The following RANGAP1 variants were observed in gnomAD, a reference collection of about 807,000 sequenced individuals.
RANGAP1 encodes Ran GTPase activating protein 1.
A neutral mutation model predicts 63.5 loss-of-function variants in RANGAP1; 38 were observed. The ratio of observed to expected loss-of-function variants is 0.60; its 90% CI spans 0.46 to 0.78. RANGAP1 has a LOEUF of 0.78. RANGAP1 is among the 30% of genes least tolerant of loss of function. RANGAP1 has a pLI of 0.00. For missense variants in RANGAP1, 630 were observed against 740.3 expected, an observed-to-expected ratio of 0.85 and a Z score of 1.73; for synonymous variants, 329 against 310.5, an observed-to-expected ratio of 1.06 and a Z score of -0.63.
intron 10 of RANGAP1, among the ~76,000 whole-genome samples, 190 bp downstream of exon 10, chr22:41,255,831 G>A (rs1392558469): frequency 2.6e-5 from 4 of 152,088 alleles, no homozygotes; most frequent in African/African-American, 9.7e-5. Context: ...GTGGGTGCCT[G>A]TAATCCCAGC....
At position 41,251,017 on chromosome 22, in the gene RANGAP1, C is replaced by G; in HGVS notation, c.1473G>C (p.Gln491His). The change falls in exon 13 of 16, where the codon CAG (glutamine) becomes CAC (histidine). Residue 491 changes from glutamine to histidine, a missense_variant. Gln to His is a conservative substitution (Grantham distance 24, BLOSUM62 0). Transcript: ENST00000356244. ...CCCAGCCCACATTACCTACTGCATC[C>G]TGCACTGCCATCCTCACAGTAGCTT... is the stretch of plus-strand genomic sequence containing the variant. ...KDEATVRMAVQDAVDALMQKA... is the reference protein window; with the variant it reads ...KDEATVRMAVHDAVDALMQKA... 6.2e-7 allele frequency: 1 copy of G among 1,614,148 alleles called. No homozygotes were observed. The highest frequency in any genetic ancestry group is 1.1e-5 in the South Asian group (1 of 91,086).
At chr22:41,262,108 G>A (rs975192682) in intron 5 of RANGAP1, among the ~76,000 whole-genome samples, 8 of 152,094 alleles carry the variant, frequency 5.3e-5, no homozygotes, top group Admixed American at 3.3e-4. Context: ...CCAAGTCCAC[G>A]GTCCAGACGA....
At chr22:41,263,025 C>T (rs1240690493) in intron 5 of RANGAP1, among the ~76,000 whole-genome samples, 60 of 152,196 alleles carry the variant, frequency 3.9e-4, no homozygotes, top group Admixed American at 3.9e-3. Flanking sequence ...GTCAGCAAGG[C>T]CGAGACCCAG....
intron 6 of RANGAP1, among the ~76,000 whole-genome samples, chr22:41,260,991 A>G (rs1388260860): frequency 6.6e-6 from 1 of 152,112 alleles, no homozygotes; most frequent in Non-Finnish European, 1.5e-5. Context: ...GAGTGGGGAT[A>G]AGGTCACCTG....
the RANGAP1 span, among the ~76,000 whole-genome samples, chr22:41,293,315 C>T: frequency 2.2e-4 from 33 of 149,772 alleles, no homozygotes; most frequent in South Asian, 1.1e-3. Context: ...AGGAGACTGA[C>T]GGGGTAGGAT....
chr22:41,249,531 C>A, intron 14 of RANGAP1, 80 bp from the exon 15 acceptor site: 1 of 1,587,376 alleles, frequency 6.3e-7, no homozygotes, highest in Non-Finnish European at 8.6e-7. Flanking sequence ...CCAGACTCTG[C>A]TGATAGTGCC....
At position 41,246,547 on chromosome 22, in the gene RANGAP1, T is replaced by C; in HGVS notation, c.*56A>G. On this transcript the variant is annotated 3_prime_UTR_variant, in exon 16 of 16. Coordinates refer to ENST00000356244, the MANE Select transcript of RANGAP1 (RefSeq NM_002883.4). ...ATGGCGTAGGCTGCGCCTCAGTTCATCCGAGTCCCTCCCCAGCTCACTGGT... is the reference window on the plus strand; with the variant it reads ...ATGGCGTAGGCTGCGCCTCAGTTCACCCGAGTCCCTCCCCAGCTCACTGGT... 6.8e-7 allele frequency: 1 copy of C among 1,475,068 alleles called. No individual in the cohort carries two copies. The highest frequency in any genetic ancestry group is 9.3e-7 in the Non-Finnish European group (1 of 1,077,884). The allele number at this position is 1,475,068 out of a possible 1,614,324, so 91.4% of individuals were successfully genotyped here.
chr22:41,279,866 G>C (rs1215576305), intron 2 of RANGAP1, among the ~76,000 whole-genome samples: 1 of 151,688 alleles, frequency 6.6e-6, no homozygotes, highest in Non-Finnish European at 1.5e-5. Context: ...GGGAGGCCAA[G>C]GTGGGCAGAT....
At chr22:41,292,234 G>T in the RANGAP1 span, among the ~76,000 whole-genome samples, 1 of 151,866 alleles carries the variant, frequency 6.6e-6, no homozygotes, top group Non-Finnish European at 1.5e-5. Flanking sequence ...TGCAACCTCT[G>T]CCTCCTTGGT....
In RANGAP1 at chr22:41,249,321, C is replaced by T; in HGVS notation, c.1694+9G>A. The T allele has an allele frequency of 6.3e-7, 1 of 1,592,332 alleles. No homozygotes were observed. Among genetic ancestry groups the T allele is most frequent in the Non-Finnish European group, 8.6e-7 (1 of 1,168,284 alleles). On this transcript the variant is annotated intron_variant, in intron 15 of 15. Coordinates refer to ENST00000356244, the MANE Select transcript of RANGAP1 (RefSeq NM_002883.4). ...GCAGGCACCGGCAGAAGGACAAGGC[C>T]ACACTCACTTGGTCACGAACGCCAG...
chr22:41,246,846 C>A (rs1412972664), intron 15 of RANGAP1, among the ~76,000 whole-genome samples, 174 bp from the exon 16 acceptor site: 1 of 152,222 alleles, frequency 6.6e-6, no homozygotes, highest in African/African-American at 2.4e-5. Flanking sequence ...GTGCGAGAGG[C>A]TCAGAGAGCC....
upstream of RANGAP1, among the ~76,000 whole-genome samples, chr22:41,289,676 T>G (rs1428351062): frequency 6.6e-6 from 1 of 152,132 alleles, no homozygotes; most frequent in East Asian, 1.9e-4. Context: ...TCTCTCTTTC[T>G]CCTTCCAGCC....
chr22:41,274,143 C>T (rs963607139), intron 3 of RANGAP1, among the ~76,000 whole-genome samples: 2 of 151,576 alleles, frequency 1.3e-5, no homozygotes, highest in Non-Finnish European at 2.9e-5. Flanking sequence ...TCTCCAGCTA[C>T]AGCACCTTCC....
At chr22:41,271,283 G>A (rs2145796328) in intron 3 of RANGAP1, among the ~76,000 whole-genome samples, 1 of 151,938 alleles carries the variant, frequency 6.6e-6, no homozygotes, top group South Asian at 2.1e-4. Flanking sequence ...AGCTACCTGG[G>A]GGGCTGAGAT....
intron 4 of RANGAP1, 53 bp from the exon 5 acceptor site, chr22:41,264,896 G>A: frequency 6.5e-7 from 1 of 1,548,064 alleles, no homozygotes; most frequent in Non-Finnish European, 8.8e-7. Flanking sequence ...CTTCTGTGCT[G>A]GGTGCTGCTT....
intron 3 of RANGAP1, among the ~76,000 whole-genome samples, chr22:41,271,219 A>ATTTCC (rs1569199166): frequency 6.7e-6 from 1 of 150,258 alleles, no homozygotes; most frequent in Admixed American, 6.7e-5. Flanking sequence ...GCAAGACCCC[A>ATTTCC]TCATTAAAAA....
chr22:41,294,322 G>A, the RANGAP1 span, among the ~76,000 whole-genome samples: 4 of 152,228 alleles, frequency 2.6e-5, no homozygotes, highest in Admixed American at 1.3e-4. Context: ...CCGAGGTGCC[G>A]GGATTGCAGA....
upstream of RANGAP1, among the ~76,000 whole-genome samples, chr22:41,286,539 G>A (rs1205128394): frequency 6.6e-6 from 1 of 152,248 alleles, no homozygotes; most frequent in Non-Finnish European, 1.5e-5. Flanking sequence ...TTTTGTTCGC[G>A]TAACTTTGTT....
chr22:41,264,854 A>G lies in RANGAP1; in HGVS notation c.301-11T>C, dbSNP rs2034375581. ...TTCCCCTAGTGAGATCTGGGCACAG[A>G]GGAAGCTCGTGTCAGTTTCATAGAC... On this transcript the variant is annotated splice_polypyrimidine_tract_variant and intron_variant, in intron 4 of 15. Coordinates refer to ENST00000356244, the MANE Select transcript of RANGAP1 (RefSeq NM_002883.4). The G allele has an allele frequency of 6.3e-7, 1 of 1,589,106 alleles. No individual in the cohort carries two copies. Among genetic ancestry groups the G allele is most frequent in the Non-Finnish European group, 8.6e-7 (1 of 1,159,740 alleles).
Sources: allele counts gnomAD v4.1 joint callset (sites outside exome capture counted in the v4.1 genomes callset), GRCh38; gene constraint gnomAD v4.1.1; transcripts MANE v1.5; gene names NCBI Gene and HGNC (gene_info 2026-07-23, HGNC 2026-07-21).